The following VSNL1 variants were observed in gnomAD, a reference collection of about 807,000 sequenced individuals.
VSNL1 encodes visinin like 1.
A neutral mutation model predicts 20.4 loss-of-function variants in VSNL1; 6 were observed. The ratio of observed to expected loss-of-function variants is 0.29; its 90% CI spans 0.16 to 0.58. The LOEUF is 0.58. Ranked by LOEUF, VSNL1 falls within the 20% of genes least tolerant of loss-of-function variation. VSNL1 has a pLI of 0.90. For synonymous variants in VSNL1, 93 were observed against 86.4 expected (o/e 1.08, Z -0.42); for missense variants, 100 against 234.5 (o/e 0.43, Z 3.75).
intron 2 of VSNL1, among the ~76,000 whole-genome samples, chr2:17,638,924 G>A (rs1231875187): frequency 6.6e-6 from 1 of 152,222 alleles, no homozygotes; most frequent in Non-Finnish European, 1.5e-5. Context: ...CTGCAGTGAG[G>A]ATAAGGAAGT....
Position 17,649,791 on chromosome 2 carries a change from G to C in VSNL1, c.378+166G>C, listed in dbSNP as rs1441242976. Among the ~76,000 whole-genome samples the C allele has an allele frequency of 6.6e-6, 1 of 152,180 alleles. No homozygotes were observed. The highest frequency in any genetic ancestry group is 1.5e-5 in the Non-Finnish European group (1 of 68,028). ...CTGTCCCCGCTGCAGCACAGTGCTG[G>C]GGAGGTCCCAGAACCAAGCCATGGG... On this transcript the variant is annotated intron_variant, in intron 3 of 3. Transcript: ENST00000295156. This position sits in a 1 kb window ranked among gnomAD's most constrained non-coding sequence, Gnocchi z 6.4.
At chr2:17,575,574 C>T (rs1252344685) in intron 1 of VSNL1, among the ~76,000 whole-genome samples, 1 of 151,330 alleles carries the variant, frequency 6.6e-6, no homozygotes, top group African/African-American at 2.4e-5. Context: ...CTCACACTGT[C>T]GCCCAGGCTG....
At chr2:17,651,632 G>C (rs1666124377) in intron 3 of VSNL1, among the ~76,000 whole-genome samples, 1 of 152,224 alleles carries the variant, frequency 6.6e-6, no homozygotes, top group African/African-American at 2.4e-5. Flanking sequence ...TGTGAGGGCT[G>C]GGCCAGCTCC....
chr2:17,548,356 T>C (rs1266132525), intron 1 of VSNL1, among the ~76,000 whole-genome samples: 3 of 152,138 alleles, frequency 2.0e-5, no homozygotes, highest in Admixed American at 6.6e-5. Context: ...TTCTAATCTG[T>C]AGATAAAAAA....
At chr2:17,615,465 T>C (rs1287162923) in intron 2 of VSNL1, among the ~76,000 whole-genome samples, 1 of 152,212 alleles carries the variant, frequency 6.6e-6, no homozygotes, top group Non-Finnish European at 1.5e-5. Context: ...AAAACTAAAT[T>C]CTAAAGAATA....
At chr2:17,592,992 G>A (rs1379031583) in intron 2 of VSNL1, among the ~76,000 whole-genome samples, 1 of 152,078 alleles carries the variant, frequency 6.6e-6, no homozygotes. Context: ...ACAAGTGAAA[G>A]AAATACATTT....
chr2:17,576,685 G>GT (rs1398011481), intron 1 of VSNL1, among the ~76,000 whole-genome samples: 7 of 151,876 alleles, frequency 4.6e-5, no homozygotes, highest in Non-Finnish European at 1.0e-4. Context: ...TACTTTTTCT[G>GT]TTTTTTTAGA....
chr2:17,611,563 C>T (rs2555086), intron 2 of VSNL1, among the ~76,000 whole-genome samples: 11,598 of 152,224 alleles, frequency 0.076, 1,256 homozygotes, highest in African/African-American at 0.24. Flanking sequence ...AGGAAGGGGG[C>T]CTTGAACTTG....
chr2:17,579,520 C>T (rs1291447235), intron 1 of VSNL1, among the ~76,000 whole-genome samples: 1 of 152,236 alleles, frequency 6.6e-6, no homozygotes, highest in Non-Finnish European at 1.5e-5. Flanking sequence ...AATTTGCAAA[C>T]TGGCTCCAGG....
chr2:17,580,490 G>A (rs1664325761), intron 1 of VSNL1, among the ~76,000 whole-genome samples: 1 of 152,180 alleles, frequency 6.6e-6, no homozygotes, highest in Non-Finnish European at 1.5e-5. Flanking sequence ...GCTTTGACAG[G>A]TTCATGGGAC....
In VSNL1 at chr2:17,649,267, T is replaced by G; in HGVS notation, c.163-143T>G. ...CCTCCCCTAATGCCTGCCCTTGCCC[T>G]TGACAGTCAGGCCAAACTGCTCTCC... On this transcript the variant is annotated intron_variant, in intron 2 of 3. Coordinates refer to ENST00000295156, the MANE Select transcript of VSNL1 (RefSeq NM_003385.5). This position sits in a 1 kb window ranked among gnomAD's most constrained non-coding sequence, Gnocchi z 6.4. 1.3e-6 allele frequency: 1 copy of G among 758,552 alleles called. No individual in the cohort carries two copies. Among genetic ancestry groups the G allele is most frequent in the Non-Finnish European group, 2.2e-6 (1 of 450,618 alleles). The allele number at this position is 758,552 out of a possible 1,614,324, so 47.0% of individuals were successfully genotyped here.
chr2:17,576,111 T>C (rs1664208302), intron 1 of VSNL1, among the ~76,000 whole-genome samples: 1 of 152,232 alleles, frequency 6.6e-6, no homozygotes, highest in African/African-American at 2.4e-5. Context: ...TCCACACTTT[T>C]TATTCATTTG....
intron 2 of VSNL1, among the ~76,000 whole-genome samples, chr2:17,619,213 A>G (rs531841478): frequency 6.6e-6 from 1 of 152,314 alleles, no homozygotes; most frequent in Non-Finnish European, 1.5e-5. Flanking sequence ...AAGTAACACA[A>G]CTGAAATTGG....
intron 2 of VSNL1, among the ~76,000 whole-genome samples, chr2:17,607,964 C>T (rs1307845557): frequency 6.6e-6 from 1 of 152,160 alleles, no homozygotes; most frequent in East Asian, 1.9e-4. Flanking sequence ...AGTCAAGTAG[C>T]TAGCTAATTT....
At chr2:17,552,646 T>C (rs1160635826) in intron 1 of VSNL1, among the ~76,000 whole-genome samples, 1 of 152,194 alleles carries the variant, frequency 6.6e-6, no homozygotes, top group Non-Finnish European at 1.5e-5. Context: ...AGTTTACATA[T>C]ATCCACAATA....
At chr2:17,582,019 G>T (rs543625039) in intron 1 of VSNL1, among the ~76,000 whole-genome samples, 17 of 152,310 alleles carry the variant, frequency 1.1e-4, no homozygotes, top group Non-Finnish European at 2.1e-4. Context: ...TAGCCGTACA[G>T]TGAAGTCACT....
intron 1 of VSNL1, among the ~76,000 whole-genome samples, chr2:17,552,436 T>C (rs1322772406): frequency 1.3e-5 from 2 of 152,126 alleles, no homozygotes; most frequent in Non-Finnish European, 2.9e-5. Context: ...CTACAACCAA[T>C]CTACACACGT....
chr2:17,595,583 A>G (rs1664693722), intron 2 of VSNL1, among the ~76,000 whole-genome samples: 1 of 152,242 alleles, frequency 6.6e-6, no homozygotes, highest in South Asian at 2.1e-4. Flanking sequence ...TTATCAGCTG[A>G]ATAATATTCC....
intron 1 of VSNL1, among the ~76,000 whole-genome samples, chr2:17,575,703 T>C (rs1000562636): frequency 1.3e-5 from 2 of 151,806 alleles, no homozygotes; most frequent in African/African-American, 2.4e-5. Flanking sequence ...GCCCGGCTAA[T>C]TTTTTGTATT....
Sources: gnomAD v4.1 joint callset for allele counts (sites outside exome capture counted in the v4.1 genomes callset) on GRCh38, gnomAD v4.1.1 for gene constraint, Gnocchi (gnomAD v3.1) non-coding constraint, MANE v1.5 for transcripts, NCBI Gene and HGNC (gene_info 2026-07-23, HGNC 2026-07-21) for gene names.